Variants in UMAD1 observed in about 807,000 individuals in gnomAD.
The protein encoded by UMAD1 is UBAP1-MVB12-associated (UMA) domain containing 1, also known as UBAP1-MVB12-associated (UMA)-domain containing protein 1.
A neutral mutation model predicts 6.1 loss-of-function variants in UMAD1; 8 were observed. That is an observed-to-expected ratio of 1.30 (90% CI 0.76 to 2.35). The LOEUF is 2.35. Ranked by LOEUF, UMAD1 falls within the 30% of genes most tolerant of loss-of-function variation. UMAD1 has a pLI of 0.00. For missense variants in UMAD1, 130 were observed against 78.4 expected, an observed-to-expected ratio of 1.66 and a Z score of -2.49; for synonymous variants, 56 against 31.4, an observed-to-expected ratio of 1.78 and a Z score of -2.61.
chr7:7,818,849 G>GT (rs1336725518), intron 3 of UMAD1, among the ~76,000 whole-genome samples: 4 of 152,042 alleles, frequency 2.6e-5, no homozygotes, highest in Admixed American at 6.6e-5. Context: ...GTTGCCCATA[G>GT]TTTTTCCTCT....
intron 2 of UMAD1, among the ~76,000 whole-genome samples, chr7:7,770,807 C>G (rs1782085695): frequency 1.3e-5 from 2 of 151,970 alleles, no homozygotes; most frequent in African/African-American, 4.8e-5. Context: ...TCACGATCGT[C>G]TGGAAGTGTT....
intron 2 of UMAD1, among the ~76,000 whole-genome samples, chr7:7,715,407 A>C (rs1780876642): frequency 6.6e-6 from 1 of 152,226 alleles, no homozygotes. Context: ...ACTCAAAGCT[A>C]CTGATAACCA....
rs527619081 is a variant in UMAD1, at chr7:7,659,121, G to C, written c.-63-14188G>C. On this transcript the variant is annotated intron_variant, in intron 1 of 3. Coordinates refer to ENST00000682710, the MANE Select transcript of UMAD1 (RefSeq NM_001302348.2). ...TTGTTTATAGTATTCTCTGATGGTA[G>C]TTTGTATTGCTGTGGGATCAATGGT... 2.8e-4 allele frequency among the ~76,000 whole-genome samples: 42 copies of C among 152,294 alleles called. 1 individual carries two copies. In the South Asian group the frequency reaches 6.2e-3, roughly 23 times the overall value.
intron 2 of UMAD1, among the ~76,000 whole-genome samples, chr7:7,676,614 G>C (rs1450204595): frequency 1.3e-5 from 2 of 152,160 alleles, no homozygotes; most frequent in East Asian, 1.9e-4. Flanking sequence ...TTTAATAAAA[G>C]AAGGTTGGTG....
chr7:7,822,782 A>G (rs1783264655), intron 3 of UMAD1, among the ~76,000 whole-genome samples: 1 of 152,138 alleles, frequency 6.6e-6, no homozygotes, highest in South Asian at 2.1e-4. Context: ...TTTTTCTAGC[A>G]ATCAATTGAA....
At chr7:7,763,650 G>A (rs1781934055) in intron 2 of UMAD1, among the ~76,000 whole-genome samples, 1 of 152,220 alleles carries the variant, frequency 6.6e-6, no homozygotes, top group Non-Finnish European at 1.5e-5. Context: ...GCTGAGGCTG[G>A]CAGATCACCT....
chr7:7,771,380 A>G (rs1295542650), intron 2 of UMAD1, among the ~76,000 whole-genome samples: 2 of 152,170 alleles, frequency 1.3e-5, no homozygotes, highest in Non-Finnish European at 1.5e-5. Flanking sequence ...TTGGAGCTAT[A>G]TGGCAAAGCT....
chr7:7,867,420 C>T (rs186946442), intron 3 of UMAD1, among the ~76,000 whole-genome samples: 30 of 152,148 alleles, frequency 2.0e-4, no homozygotes, highest in Non-Finnish European at 4.4e-4. Flanking sequence ...AAATGGAACC[C>T]TAAAGAACAC....
chr7:7,727,302 T>C (rs1316342400), intron 2 of UMAD1, among the ~76,000 whole-genome samples: 1 of 152,246 alleles, frequency 6.6e-6, no homozygotes, highest in Non-Finnish European at 1.5e-5. Flanking sequence ...ATAAGATTTA[T>C]TGGCTTCATA....
chr7:7,866,638 G>A (rs766016897), intron 3 of UMAD1, among the ~76,000 whole-genome samples: 5 of 152,208 alleles, frequency 3.3e-5, no homozygotes, highest in Non-Finnish European at 5.9e-5. Flanking sequence ...AAAGCAGTAG[G>A]CACCATGAAA....
At chr7:7,795,105 C>T (rs1241741303) in intron 2 of UMAD1, among the ~76,000 whole-genome samples, 1 of 152,194 alleles carries the variant, frequency 6.6e-6, no homozygotes, top group Non-Finnish European at 1.5e-5. Flanking sequence ...ATATACCTTA[C>T]ATGTATTGAC....
chr7:7,823,723 T>C (rs752254422), intron 3 of UMAD1, among the ~76,000 whole-genome samples: 14 of 152,166 alleles, frequency 9.2e-5, no homozygotes, highest in Non-Finnish European at 1.8e-4. Context: ...ATAATATGTT[T>C]AAAGATGGTA....
Position 7,663,515 on chromosome 7 carries a change from CAG to C in UMAD1, c.-63-9793_-63-9792del, listed in dbSNP as rs969416615. 1.5e-3 allele frequency among the ~76,000 whole-genome samples: 221 copies of C among 152,180 alleles called. 1 individual carries two copies. The highest frequency in any genetic ancestry group is 5.1e-3 in the African/African-American group (213 of 41,538). On this transcript the variant is annotated intron_variant, in intron 1 of 3. Transcript: ENST00000682710. ...AAAAAACCTAGGTGGGACGGAAAAA[CAG>C]GGGGAGAGTCTTTATGTAATACTAA...
At chr7:7,774,854 GC>G (rs1782170520) in intron 2 of UMAD1, among the ~76,000 whole-genome samples, 1 of 152,062 alleles carries the variant, frequency 6.6e-6, no homozygotes, top group Admixed American at 6.5e-5. Context: ...AGTTTCCCTG[GC>G]CACCATCTCA....
At chr7:7,782,277 C>T (rs536702053) in intron 2 of UMAD1, among the ~76,000 whole-genome samples, 2 of 151,998 alleles carry the variant, frequency 1.3e-5, no homozygotes, top group East Asian at 1.9e-4. Flanking sequence ...GTTTTCCTCT[C>T]GGATTTTTTT....
chr7:7,701,064 A>G (rs1184672952), intron 2 of UMAD1, among the ~76,000 whole-genome samples: 2 of 152,082 alleles, frequency 1.3e-5, no homozygotes. Flanking sequence ...GAAAAAGAAA[A>G]AGTCATACAA....
chr7:7,789,013 A>G (rs1297828735), intron 2 of UMAD1, among the ~76,000 whole-genome samples: 3 of 152,142 alleles, frequency 2.0e-5, no homozygotes, highest in African/African-American at 4.8e-5. Flanking sequence ...AGCAGTTTAC[A>G]TTTTTTTAGA....
intron 3 of UMAD1, among the ~76,000 whole-genome samples, chr7:7,828,831 G>A (rs765999898): frequency 1.3e-5 from 2 of 152,108 alleles, no homozygotes; most frequent in African/African-American, 2.4e-5. Context: ...AGGGAATTAC[G>A]ACAAGAAAAT....
At chr7:7,773,273 G>A (rs1167979547) in intron 2 of UMAD1, among the ~76,000 whole-genome samples, 2 of 152,160 alleles carry the variant, frequency 1.3e-5, no homozygotes, top group African/African-American at 4.8e-5. Flanking sequence ...AACATTAGGG[G>A]ATCTTTAAAA....
Sources: gnomAD v4.1 joint callset for allele counts (sites outside exome capture counted in the v4.1 genomes callset) on GRCh38, gnomAD v4.1.1 for gene constraint, MANE v1.5 for transcripts, NCBI Gene and HGNC (gene_info 2026-07-23, HGNC 2026-07-21) for gene names.